Variants in MIER1 observed in about 807,000 individuals in gnomAD.
MIER1 encodes mesoderm induction early response protein 1.
In MIER1, 40 loss-of-function variants were observed where a neutral mutation model predicts 75.7. That is an observed-to-expected ratio of 0.53 (90% confidence interval 0.41 to 0.69). The LOEUF is 0.69. MIER1 is among the 30% of genes least tolerant of loss of function. The probability of loss-of-function intolerance (pLI) is 0.00; values close to 1 mark genes in which losing one functional copy is unlikely to be tolerated. For synonymous variants in MIER1, 213 were observed against 223.4 expected, an observed-to-expected ratio of 0.95 and a Z score of 0.42; for missense variants, 574 against 680.2, an observed-to-expected ratio of 0.84 and a Z score of 1.74.
rs1437247837 is a variant in MIER1, at chr1:66,985,959, A to G, written c.*1059A>G. On this transcript the variant is annotated 3_prime_UTR_variant, in exon 14 of 14. Transcript: ENST00000401041. ...ATTTTTGAAGCAAGACAAAAGTTTA[A>G]TGTCAGCTTAAGTGCTTAAATATAT... is the stretch of plus-strand genomic sequence containing the variant. The G allele has an allele frequency of 5.1e-6, 5 of 985,120 alleles. No homozygotes were observed. The highest frequency in any genetic ancestry group is 6.0e-6 in the Non-Finnish European group (5 of 829,676). 61.0% of individuals were successfully genotyped at this position (985,120 alleles called of 1,614,324 possible).
intron 4 of MIER1, among the ~76,000 whole-genome samples, chr1:66,952,804 G>C (rs1278401893): frequency 2.0e-5 from 3 of 152,102 alleles, no homozygotes; most frequent in Non-Finnish European, 4.4e-5. Flanking sequence ...GCCACACCCA[G>C]CTAATTCTTT....
At chr1:66,952,860 G>A (rs1225673524) in intron 4 of MIER1, among the ~76,000 whole-genome samples, 1 of 152,134 alleles carries the variant, frequency 6.6e-6, no homozygotes, top group Non-Finnish European at 1.5e-5. Flanking sequence ...GCCCAGGCTG[G>A]TCTCGAACTC....
chr1:66,927,271 A>C (rs1199477063), intron 2 of MIER1, among the ~76,000 whole-genome samples: 1 of 152,080 alleles, frequency 6.6e-6, no homozygotes, highest in East Asian at 1.9e-4. Context: ...TTAGGTGGGG[A>C]ATAGGAGCTG....
intron 11 of MIER1, among the ~76,000 whole-genome samples, chr1:66,973,341 TTTAA>T (rs1256683760): frequency 6.6e-6 from 1 of 152,102 alleles, no homozygotes; most frequent in African/African-American, 2.4e-5. Flanking sequence ...ATTTGGAAAC[TTTAA>T]AGCACTTTCA....
At chr1:66,962,003 C>G (rs894255528) in intron 7 of MIER1, among the ~76,000 whole-genome samples, 8 of 152,206 alleles carry the variant, frequency 5.3e-5, no homozygotes, top group African/African-American at 1.9e-4. Context: ...GAGAGACTTT[C>G]CAAATCCTAA....
At chr1:66,949,480 A>G (rs1431433125) in intron 4 of MIER1, among the ~76,000 whole-genome samples, 3 of 152,188 alleles carry the variant, frequency 2.0e-5, no homozygotes, top group East Asian at 3.8e-4. Context: ...GAGATAGGGA[A>G]AAAAAGACAG....
chr1:66,984,070 T>G (rs1313691594), intron 13 of MIER1, among the ~76,000 whole-genome samples: 1 of 152,228 alleles, frequency 6.6e-6, no homozygotes, highest in African/African-American at 2.4e-5. Flanking sequence ...ACATTAAGAA[T>G]AAAAAAGTCA....
At chr1:66,926,097 C>A (rs1651696672) in intron 1 of MIER1, 45 bp from the exon 2 acceptor site, 2 of 1,464,774 alleles carry the variant, frequency 1.4e-6, no homozygotes, top group Non-Finnish European at 1.9e-6. Flanking sequence ...CTTGTATCAT[C>A]GTTTCTGTCT....
rs749774314 is a variant in MIER1 at position 66,946,290 on chromosome 1, G to A, written c.334G>A (p.Ala112Thr). 25 of 1,605,914 alleles carry A rather than the reference G, an allele frequency of 1.6e-5. No homozygotes were observed. The highest frequency in any genetic ancestry group is 2.1e-5 in the Non-Finnish European group (25 of 1,177,844). The stretch of plus-strand genomic sequence containing the variant: ...CTTCAGCTCTGAAATAGAAGATCTT[G>A]CAAGGGTAAATAACATGTAGAGCTA... ...TNFSSEIEDL[A>T]REGDMPIHEL... The change falls in exon 4 of 14, where the codon GCA becomes ACA. Residue 112 changes from alanine (A) to threonine (T), a missense_variant. This residue lies in a region of MIER1 where 309 missense variants were observed against 352.8 expected (regional missense o/e 0.88). Coordinates refer to ENST00000401041, the MANE Select transcript of MIER1 (RefSeq NM_001077700.3).
At chr1:66,947,699 T>C (rs1300721112) in intron 4 of MIER1, 2 of 152,388 alleles carry the variant, frequency 1.3e-5, no homozygotes, top group South Asian at 2.1e-4. Flanking sequence ...GTAAATCAAT[T>C]AATATCAACC....
At chr1:66,971,591 A>C (rs1663621936) in intron 9 of MIER1, 64 bp from the exon 10 acceptor site, 1 of 825,836 alleles carries the variant, frequency 1.2e-6, no homozygotes, top group Admixed American at 2.6e-5. Flanking sequence ...AAAAACTTTT[A>C]AGAAATTGTA....
intron 3 of MIER1, 146 bp downstream of exon 3, chr1:66,940,198 G>C: frequency 1.9e-6 from 1 of 537,462 alleles, no homozygotes; most frequent in Non-Finnish European, 3.2e-6. Context: ...ATGGATGAAA[G>C]GTTTGACTGC....
chr1:66,936,422 A>G (rs1483195806), intron 2 of MIER1, among the ~76,000 whole-genome samples: 1 of 151,696 alleles, frequency 6.6e-6, no homozygotes, highest in Admixed American at 6.6e-5. Flanking sequence ...TAGTAGAGAC[A>G]GCGTTTTGCC....
At chr1:66,930,430 C>T (rs563155555) in intron 2 of MIER1, 2 of 1,603,040 alleles carry the variant, frequency 1.2e-6, no homozygotes, top group South Asian at 1.1e-5. Flanking sequence ...CTCCCTGTCC[C>T]GGAGCCGGGC....
intron 3 of MIER1, among the ~76,000 whole-genome samples, chr1:66,941,724 A>G (rs1188076256): frequency 6.6e-6 from 1 of 152,206 alleles, no homozygotes; most frequent in Non-Finnish European, 1.5e-5. Flanking sequence ...TAATCCCAAC[A>G]CTTTGGGAGG....
chr1:66,949,189 C>T (rs537291274), intron 4 of MIER1, among the ~76,000 whole-genome samples: 1 of 152,108 alleles, frequency 6.6e-6, no homozygotes, highest in East Asian at 1.9e-4. Context: ...TATTTTCTGT[C>T]TTATATTCTA....
At chr1:66,931,204 T>C (rs1237530077) in intron 2 of MIER1, among the ~76,000 whole-genome samples, 7 of 152,178 alleles carry the variant, frequency 4.6e-5, no homozygotes, top group Non-Finnish European at 7.3e-5. Context: ...TGATTTTACA[T>C]ATTTGGGCCG....
chr1:66,929,137 A>G (rs1652499500), intron 2 of MIER1: 1 of 651,852 alleles, frequency 1.5e-6, no homozygotes, highest in Admixed American at 2.6e-5. Context: ...AGCCTCCCCT[A>G]TATTGCATTA....
rs1365165938 is a variant in MIER1, at chr1:66,985,414, A to G, written c.*514A>G. On this transcript the variant is annotated 3_prime_UTR_variant, in exon 14 of 14. Transcript: ENST00000401041. Reference sequence around the variant, plus strand: ...ATCTTTATTAAGGAAACCCTTACGAATCCTGAAAATTATGCTAGCATGATT... The same window carrying G: ...ATCTTTATTAAGGAAACCCTTACGAGTCCTGAAAATTATGCTAGCATGATT... The G allele has an allele frequency of 1.0e-6, 1 of 983,368 alleles. No homozygotes were observed. The highest frequency in any genetic ancestry group is 1.2e-6 in the Non-Finnish European group (1 of 828,066). The allele number at this position is 983,368 out of a possible 1,614,324, so 60.9% of individuals were successfully genotyped here.
Sources: allele counts gnomAD v4.1 joint callset (sites outside exome capture counted in the v4.1 genomes callset), GRCh38; gene constraint gnomAD v4.1.1; regional missense constraint gnomAD v4.1.1; transcripts MANE v1.5; gene names NCBI Gene and HGNC (gene_info 2026-07-23, HGNC 2026-07-21).